RMDN2: variants seen among roughly 807,000 people sequenced by gnomAD.
The protein encoded by RMDN2 is regulator of microtubule dynamics 2.
In RMDN2, 61 loss-of-function variants were observed where a neutral mutation model predicts 52.8. The observed-to-expected ratio is 1.16, with a 90% CI of 0.94 to 1.43. The LOEUF (loss-of-function observed/expected upper bound fraction) is 1.43, where lower values mean the gene tolerates loss of function less well. Among genes scored for constraint, RMDN2 ranks in the 40% most tolerant of loss-of-function variants. The pLI, the probability that RMDN2 is intolerant of heterozygous loss-of-function variation, is 0.00. For missense variants in RMDN2, 592 were observed against 475.3 expected (o/e 1.25, Z -2.28); for synonymous variants, 180 against 153.1 (o/e 1.18, Z -1.30).
intron 10 of RMDN2, among the ~76,000 whole-genome samples, chr2:38,054,238 A>G (rs970413784): frequency 3.3e-5 from 5 of 152,226 alleles, no homozygotes; most frequent in Non-Finnish European, 1.5e-5. Context: ...AATAGTATTA[A>G]ACTCATCAAG....
At chr2:37,990,468 A>G (rs560600809) in intron 6 of RMDN2, among the ~76,000 whole-genome samples, 5 of 133,992 alleles carry the variant, frequency 3.7e-5, no homozygotes, top group South Asian at 2.6e-4. Context: ...GCAGTGAGCC[A>G]TGATCATGCC....
At chr2:37,952,393 T>A in intron 2 of RMDN2, 1 of 559,796 alleles carries the variant, frequency 1.8e-6, no homozygotes, top group Middle Eastern at 3.7e-4. Flanking sequence ...TTTACTGATG[T>A]TATTGGAGTA....
At position 37,999,939 on chromosome 2, in the gene RMDN2, G is replaced by T. The variant is rs148104264; in HGVS notation, c.1044+2425G>T. On this transcript the variant is annotated intron_variant, in intron 8 of 10. Coordinates refer to ENST00000354545, the MANE Select transcript of RMDN2 (RefSeq NM_001170791.3). ...TCTCCCACTCTCAAATTCTTCATCC[G>T]TGAAATGGCCATAATAATACCTACT... 1.9e-3 allele frequency among the ~76,000 whole-genome samples: 293 copies of T among 152,190 alleles called. 2 individuals are homozygous for T. The highest frequency in any genetic ancestry group is 5.8e-3 in the South Asian group (28 of 4,820).
At chr2:37,979,843 TA>T (rs983775787) in intron 4 of RMDN2, among the ~76,000 whole-genome samples, 2 of 152,198 alleles carry the variant, frequency 1.3e-5, no homozygotes, top group African/African-American at 4.8e-5. Context: ...GTAATGTAGC[TA>T]AAAAATTGAT....
At chr2:38,015,215 A>G (rs1678583132) in intron 10 of RMDN2, among the ~76,000 whole-genome samples, 1 of 152,158 alleles carries the variant, frequency 6.6e-6, no homozygotes, top group African/African-American at 2.4e-5. Context: ...TGGCCCCTGA[A>G]TGAGATTACA....
At chr2:38,043,347 G>T (rs2116229) in intron 10 of RMDN2, among the ~76,000 whole-genome samples, 101,091 of 151,968 alleles carry the variant, frequency 0.67, 34,319 homozygotes, top group East Asian at 0.92. Context: ...GCATGATACA[G>T]CTTTCTCCAT....
chr2:37,996,287 A>C (rs1675524933), intron 7 of RMDN2, among the ~76,000 whole-genome samples: 1 of 152,184 alleles, frequency 6.6e-6, no homozygotes, highest in Non-Finnish European at 1.5e-5. Context: ...AATAATTTTT[A>C]AATTAGAGGA....
chr2:37,949,342 AG>A (rs1039060326), intron 2 of RMDN2, among the ~76,000 whole-genome samples: 4 of 152,188 alleles, frequency 2.6e-5, no homozygotes, highest in Non-Finnish European at 4.4e-5. Flanking sequence ...TTGCTATAGA[AG>A]TGGTAGATCA....
intron 2 of RMDN2, among the ~76,000 whole-genome samples, chr2:37,959,146 T>C (rs1241139645): frequency 2.6e-5 from 4 of 151,052 alleles, no homozygotes; most frequent in African/African-American, 9.9e-5. Context: ...GGTTTTGGTA[T>C]CAGGATGATG....
At chr2:38,007,639 A>G (rs1677305236) in intron 10 of RMDN2, among the ~76,000 whole-genome samples, 1 of 152,084 alleles carries the variant, frequency 6.6e-6, no homozygotes, top group African/African-American at 2.4e-5. Flanking sequence ...AATTTTGTTG[A>G]TCTTTTCAAA....
chr2:37,982,823 A>C (rs1673500154), intron 5 of RMDN2, among the ~76,000 whole-genome samples: 1 of 152,200 alleles, frequency 6.6e-6, no homozygotes, highest in African/African-American at 2.4e-5. Flanking sequence ...TCTAATTTAC[A>C]TAATAACACT....
intron 5 of RMDN2, among the ~76,000 whole-genome samples, chr2:37,984,334 T>C (rs1673709342): frequency 6.6e-6 from 1 of 152,176 alleles, no homozygotes; most frequent in South Asian, 2.1e-4. Context: ...AGCCAGACCT[T>C]AATTATAAGT....
intron 8 of RMDN2, 21 bp from the exon 9 acceptor site, chr2:38,003,970 C>T (rs1396344619): frequency 4.4e-6 from 7 of 1,580,366 alleles, no homozygotes; most frequent in South Asian, 1.1e-5. Flanking sequence ...GTTATTCTCT[C>T]ATGTTTTTCT....
chr2:37,951,886 C>T lies in RMDN2; in HGVS notation c.453-22154C>T, dbSNP rs368723250. On this transcript the variant is annotated intron_variant, in intron 2 of 10. Coordinates refer to ENST00000354545, the MANE Select transcript of RMDN2 (RefSeq NM_001170791.3). ...TTTTCTCTTGCAAGTGATATTTCCT[C>T]TCCCGATCAACAAAATGGAATTGCC... 2.1e-5 allele frequency: 34 copies of T among 1,613,286 alleles called. No individual in the cohort carries two copies. The highest frequency in any genetic ancestry group is 3.3e-5 in the Admixed American group (2 of 59,896).
At chr2:37,993,805 A>G (rs1482497328) in intron 7 of RMDN2, among the ~76,000 whole-genome samples, 1 of 152,146 alleles carries the variant, frequency 6.6e-6, no homozygotes, top group Non-Finnish European at 1.5e-5. Flanking sequence ...TTTATTCAGC[A>G]CAAGCTTACA....
At chr2:38,020,172 T>C (rs79544399), downstream of RMDN2, among the ~76,000 whole-genome samples, 3,251 of 152,224 alleles carry the variant, frequency 0.021, 110 homozygotes, top group African/African-American at 0.069. Context: ...TTACATTTAG[T>C]GTGCACTTTA....
rs766825307 is a variant in RMDN2, at chr2:37,938,474, C to T, written c.452+8745C>T. ...GGAATAGTTTCAGAAGGAATGGTAC[C>T]GCTCCACTTTGTACCTCTGGTAGAA... On this transcript the variant is annotated intron_variant, in intron 2 of 10. Transcript: ENST00000354545. 3.0e-4 allele frequency among the ~76,000 whole-genome samples: 46 copies of T among 152,176 alleles called. 1 individual carries two copies. The highest frequency in any genetic ancestry group is 1.9e-3 in the South Asian group (9 of 4,812).
intron 5 of RMDN2, among the ~76,000 whole-genome samples, chr2:37,988,318 A>C (rs1674313571): frequency 6.6e-6 from 1 of 152,232 alleles, no homozygotes; most frequent in African/African-American, 2.4e-5. Context: ...AGAGAGGTAC[A>C]TGAAATTCAG....
chr2:38,032,141 A>G (rs140512216), intron 10 of RMDN2, among the ~76,000 whole-genome samples: 1 of 152,318 alleles, frequency 6.6e-6, no homozygotes, highest in African/African-American at 2.4e-5. Context: ...TTTTAATTGT[A>G]CAGTTTGATG....
Sources: gnomAD v4.1 joint callset for allele counts (sites outside exome capture counted in the v4.1 genomes callset) on GRCh38, gnomAD v4.1.1 for gene constraint, MANE v1.5 for transcripts, NCBI Gene and HGNC (gene_info 2026-07-23, HGNC 2026-07-21) for gene names.